ABLIM1: variants seen among roughly 807,000 people sequenced by gnomAD.
ABLIM1 encodes actin-binding LIM protein 1.
Under a neutral mutation model 107.0 loss-of-function variants are expected in ABLIM1, and 40 were observed. The observed-to-expected ratio is 0.37, with a 90% CI of 0.29 to 0.49. The LOEUF (loss-of-function observed/expected upper bound fraction) is 0.49. Ranked by LOEUF, ABLIM1 falls within the 20% of genes least tolerant of loss-of-function variation. ABLIM1 has a pLI of 0.97. For synonymous variants in ABLIM1, 357 were observed against 357.3 expected, an observed-to-expected ratio of 1.00 and a Z score of 0.01; for missense variants, 857 against 1,008.5, an observed-to-expected ratio of 0.85 and a Z score of 2.04.
intron 1 of ABLIM1, among the ~76,000 whole-genome samples, chr10:114,647,898 G>A (rs2079074564): frequency 6.6e-6 from 1 of 152,168 alleles, no homozygotes; most frequent in African/African-American, 2.4e-5. Context: ...TCAAAGTAAA[G>A]GCCCTACCTT....
rs2065005893 is a variant in ABLIM1 at position 114,465,716 on chromosome 10, G to C, written c.1423C>G (p.Gln475Glu). 1 of 1,614,104 alleles carries C rather than the reference G, an allele frequency of 6.2e-7. No homozygotes were observed. Among genetic ancestry groups the C allele is most frequent in the Non-Finnish European group, 8.5e-7 (1 of 1,179,980 alleles). The change falls in exon 12 of 23, where the codon CAG (glutamine) becomes GAG (glutamate). Residue 475 changes from glutamine (Q) to glutamate (E), a missense_variant. By Grantham distance (29) the Gln-to-Glu change is conservative. Transcript: ENST00000533213. ...SYTPTTSRSP[Q>E]HFHRPGNEPS... is the part of the protein sequence containing the mutation. Reference sequence around the variant, plus strand: ...CCCTTACCAGGTCTGTGGAAATGCTGGGGAGAGCGGGACGTGGTTGGAGTG... The same window carrying C: ...CCCTTACCAGGTCTGTGGAAATGCTCGGGAGAGCGGGACGTGGTTGGAGTG...
chr10:114,672,290 G>A lies in ABLIM1; in HGVS notation c.64+12000C>T, dbSNP rs921273020. Among the ~76,000 whole-genome samples, 19 of 151,774 alleles carry A rather than the reference G, an allele frequency of 1.3e-4. No individual in the cohort carries two copies. In the East Asian group the frequency reaches 1.9e-3, roughly 15 times the overall value. ...ATTTCTGTTCACTGCAACCTCCGCCGCCCAGGTTCAAGCAATCCTCCCACT... is the reference window on the plus strand; with the variant it reads ...ATTTCTGTTCACTGCAACCTCCGCCACCCAGGTTCAAGCAATCCTCCCACT... On this transcript the variant is annotated intron_variant, in intron 1 of 23. Transcript: ENST00000369256.
At chr10:114,448,568 G>T (rs1005191253) in intron 14 of ABLIM1, among the ~76,000 whole-genome samples, 4 of 151,654 alleles carry the variant, frequency 2.6e-5, no homozygotes, top group African/African-American at 9.7e-5. Context: ...GCATCTTTGG[G>T]CAAGAAGCCA....
chr10:114,769,108 C>T (rs889824617), upstream of ABLIM1, among the ~76,000 whole-genome samples: 1 of 129,960 alleles, frequency 7.7e-6, no homozygotes, highest in African/African-American at 2.9e-5. Context: ...CTGAGGTGGA[C>T]GGATCACTTG....
At chr10:114,440,231 T>G (rs2059995966) in intron 19 of ABLIM1, 142 bp from the exon 20 acceptor site, 1 of 839,508 alleles carries the variant, frequency 1.2e-6, no homozygotes, top group Non-Finnish European at 1.9e-6. Context: ...ACTCTGCACA[T>G]GTTATCCCAT....
chr10:114,453,205 T>C (rs1490032224), intron 13 of ABLIM1, among the ~76,000 whole-genome samples, 174 bp downstream of exon 13: 1 of 152,232 alleles, frequency 6.6e-6, no homozygotes, highest in Non-Finnish European at 1.5e-5. Flanking sequence ...AACATAATCC[T>C]GGCATTTAAC....
chr10:114,516,891 T>C (rs2062915717), intron 6 of ABLIM1, among the ~76,000 whole-genome samples: 2 of 152,236 alleles, frequency 1.3e-5, no homozygotes. Context: ...CCTCTTATTT[T>C]GCTGAATTCA....
chr10:114,602,569 G>T (rs561492005), intron 1 of ABLIM1, among the ~76,000 whole-genome samples: 2 of 152,324 alleles, frequency 1.3e-5, no homozygotes, highest in East Asian at 3.9e-4. Context: ...CTAACCTGTT[G>T]CAGGCCTATG....
At chr10:114,486,510 C>A (rs1344137273) in intron 8 of ABLIM1, among the ~76,000 whole-genome samples, 1 of 152,146 alleles carries the variant, frequency 6.6e-6, no homozygotes, top group East Asian at 1.9e-4. Flanking sequence ...AAAGGTAACT[C>A]ATTTCCAAAG....
intron 1 of ABLIM1, among the ~76,000 whole-genome samples, chr10:114,653,738 T>C (rs2141127916): frequency 6.6e-6 from 1 of 152,352 alleles, no homozygotes; most frequent in East Asian, 1.9e-4. Flanking sequence ...ATTTTGTATA[T>C]TCACAGATCT....
At chr10:114,653,204 C>T (rs182244940) in intron 1 of ABLIM1, among the ~76,000 whole-genome samples, 14 of 152,298 alleles carry the variant, frequency 9.2e-5, no homozygotes, top group African/African-American at 3.4e-4. Context: ...GTAATTCCTG[C>T]TTTGTTGAGT....
chr10:114,540,325 C>G (rs1303520780), intron 6 of ABLIM1, among the ~76,000 whole-genome samples: 1 of 152,194 alleles, frequency 6.6e-6, no homozygotes, highest in Non-Finnish European at 1.5e-5. Context: ...ATTTTCAATT[C>G]TTGCACTTAA....
At position 114,565,788 on chromosome 10, in the gene ABLIM1, C is replaced by CTT. The variant is rs577896964; in HGVS notation, c.673+5507_673+5508dup. ...CGCGATGCTTTATCTGAAATGATTT[C>CTT]TTTTTTTTTTTTTTTTTTTTTTTTG... is the stretch of plus-strand genomic sequence containing the variant. On this transcript the variant is annotated intron_variant, in intron 4 of 22. Coordinates refer to ENST00000533213, the MANE Select transcript of ABLIM1 (RefSeq NM_002313.7). Among the ~76,000 whole-genome samples, 250 of 101,052 alleles carry CTT rather than the reference C, an allele frequency of 2.5e-3. 4 individuals carry two copies. Among genetic ancestry groups the CTT allele is most frequent in the East Asian group, 3.5e-3 (12 of 3,424 alleles). 66.3% of individuals were successfully genotyped at this position (101,052 alleles called of 152,430 possible). A position where few individuals can be genotyped will look rare whatever the true frequency, so the allele number is the denominator to read the frequency against.
chr10:114,608,618 G>A (rs1393862934), intron 1 of ABLIM1, among the ~76,000 whole-genome samples: 1 of 152,050 alleles, frequency 6.6e-6, no homozygotes, highest in Admixed American at 6.5e-5. Context: ...GTGGTGAGCC[G>A]AGATCGTGCC....
chr10:114,693,164 C>T (rs943889330), intron 1 of ABLIM1, among the ~76,000 whole-genome samples: 4 of 152,126 alleles, frequency 2.6e-5, no homozygotes, highest in African/African-American at 9.7e-5. Context: ...GTGTTGGGAT[C>T]GGTGAGGGAT....
At chr10:114,470,908 A>G (rs551637596) in intron 10 of ABLIM1, among the ~76,000 whole-genome samples, 1 of 152,088 alleles carries the variant, frequency 6.6e-6, no homozygotes, top group Non-Finnish European at 1.5e-5. Context: ...TTTTTGAGAC[A>G]GGGTGTCACT....
At position 114,457,419 on chromosome 10, in the gene ABLIM1, G is replaced by A. The variant is rs180838710; in HGVS notation, c.1442-3936C>T. On this transcript the variant is annotated intron_variant, in intron 12 of 22. Coordinates refer to ENST00000533213, the MANE Select transcript of ABLIM1 (RefSeq NM_002313.7). ...CAAGTAGCTGGGATTACAGACATGC[G>A]CCACCACATCCAGCTAGTTTTTGTG... Among the ~76,000 whole-genome samples the A allele has an allele frequency of 2.6e-4, 39 of 152,102 alleles. No individual in the cohort carries two copies. In the East Asian group the frequency reaches 7.0e-3, roughly 27 times the overall value.
At chr10:114,734,034 T>C (rs999485422) in intron 1 of ABLIM1, among the ~76,000 whole-genome samples, 4 of 151,902 alleles carry the variant, frequency 2.6e-5, no homozygotes, top group African/African-American at 9.7e-5. Context: ...CTGATTTTTG[T>C]TTTTTAGTAG....
At chr10:114,789,879 ACTTC>A in the ABLIM1 span, among the ~76,000 whole-genome samples, 1 of 149,792 alleles carries the variant, frequency 6.7e-6, no homozygotes, top group Non-Finnish European at 1.5e-5. Context: ...TGCAACCTTC[ACTTC>A]CTGGGTTCAA....
Sources: gnomAD v4.1 joint callset for allele counts (sites outside exome capture counted in the v4.1 genomes callset) on GRCh38, gnomAD v4.1.1 for gene constraint, MANE v1.5 for transcripts, NCBI Gene and HGNC (gene_info 2026-07-23, HGNC 2026-07-21) for gene names.